Variants in LAMA2 observed in about 807,000 individuals in gnomAD.
The protein encoded by LAMA2 is laminin subunit alpha-2.
In LAMA2, 269 loss-of-function variants were observed where a neutral mutation model predicts 364.8. That is an observed-to-expected ratio of 0.74 (90% CI 0.67 to 0.82). LAMA2 has a LOEUF of 0.82. Among genes scored for constraint, LAMA2 ranks in the 40% least tolerant of loss-of-function variants. LAMA2 has a pLI of 0.00. For missense variants in LAMA2, 3,807 were observed against 3,873.2 expected (o/e 0.98, Z 0.45); for synonymous variants, 1,379 against 1,370.6 (o/e 1.01, Z -0.14).
intron 1 of LAMA2, among the ~76,000 whole-genome samples, chr6:128,927,019 A>G (rs151204799): frequency 1.9e-3 from 295 of 152,336 alleles, no homozygotes; most frequent in African/African-American, 6.9e-3. Flanking sequence ...AGCACAAAAC[A>G]GTGAAGCTGA....
intron 3 of LAMA2, among the ~76,000 whole-genome samples, chr6:129,071,743 C>T (rs1048616452): frequency 4.6e-5 from 7 of 152,122 alleles, no homozygotes; most frequent in Non-Finnish European, 7.4e-5. Context: ...TTATTCCTTT[C>T]CTCACTAATT....
intron 34 of LAMA2, among the ~76,000 whole-genome samples, chr6:129,382,499 C>T (rs978749960): frequency 1.3e-5 from 2 of 152,162 alleles, no homozygotes; most frequent in African/African-American, 4.8e-5. Flanking sequence ...GACACTGCTG[C>T]ATGATTCTGT....
chr6:128,977,021 A>G (rs1333416041), intron 1 of LAMA2, among the ~76,000 whole-genome samples: 1 of 152,206 alleles, frequency 6.6e-6, no homozygotes, highest in African/African-American at 2.4e-5. Flanking sequence ...GTTTATGGAT[A>G]TATTTTATTC....
chr6:129,331,788 T>C (rs904789744), intron 29 of LAMA2, among the ~76,000 whole-genome samples: 1 of 152,158 alleles, frequency 6.6e-6, no homozygotes, highest in African/African-American at 2.4e-5. Context: ...TCCATTCTCC[T>C]TTGAATTACT....
chr6:129,205,509 C>T (rs1426336401), intron 12 of LAMA2, among the ~76,000 whole-genome samples: 34 of 95,652 alleles, frequency 3.6e-4, no homozygotes, highest in African/African-American at 2.8e-3. Context: ...CACACACACA[C>T]ACACACACAC....
chr6:129,514,420 T>C lies in LAMA2; in HGVS notation c.9036T>C (p.Tyr3012=). Residue 3012 remains tyrosine (Y), a synonymous_variant, in exon 64 of 65, where the codon TAT becomes TAC. Coordinates refer to ENST00000421865, the MANE Select transcript of LAMA2 (RefSeq NM_000426.4). The stretch of plus-strand genomic sequence containing the variant: ...GTGCGGGCAGATTCACTGCTGTCTA[T>C]GATGCTGGGGTTCCAGGGCATTTGT... The part of the protein sequence containing the change: ...DNGAGRFTAV[Y]DAGVPGHLCD... The C allele has an allele frequency of 6.2e-7, 1 of 1,614,098 alleles. No homozygotes were observed. The highest frequency in any genetic ancestry group is 1.3e-5 in the African/African-American group (1 of 75,050).
chr6:129,051,959 T>G (rs1476684175), intron 2 of LAMA2, among the ~76,000 whole-genome samples: 2 of 147,794 alleles, frequency 1.4e-5, no homozygotes, highest in Non-Finnish European at 3.0e-5. Flanking sequence ...ATTAGAGAGA[T>G]AAAATATGTA....
Position 129,320,627 on chromosome 6 carries a change from C to G in LAMA2, c.4148C>G (p.Pro1383Arg), listed in dbSNP as rs1233536347. ...PADLIEKCDC[P>R]LGYSGLSCEA... is the part of the protein sequence containing the mutation. Reference sequence around the variant, plus strand: ...GACTTGATTGAAAAATGTGATTGTCCCCTGGGCTATTCTGGCCTGTCCTGT... The same window carrying G: ...GACTTGATTGAAAAATGTGATTGTCGCCTGGGCTATTCTGGCCTGTCCTGT... The change falls in exon 28 of 65, where the codon CCC becomes CGC. Residue 1383 changes from proline to arginine, a missense_variant. This residue lies in a region of LAMA2 where 3,333 missense variants were observed against 3,345.7 expected (regional missense o/e 1.00). Coordinates refer to ENST00000421865, the MANE Select transcript of LAMA2 (RefSeq NM_000426.4). 1 of 1,612,162 alleles carries G rather than the reference C, an allele frequency of 6.2e-7. No homozygotes were observed. Among genetic ancestry groups the G allele is most frequent in the East Asian group, 2.2e-5 (1 of 44,848 alleles).
intron 4 of LAMA2, among the ~76,000 whole-genome samples, chr6:129,119,237 C>T (rs977614599): frequency 6.6e-6 from 1 of 152,086 alleles, no homozygotes; most frequent in African/African-American, 2.4e-5. Context: ...TTTGTTTTTG[C>T]ACTTATGAGG....
At chr6:129,471,688 T>C (rs1408132995) in intron 51 of LAMA2, among the ~76,000 whole-genome samples, 3 of 152,000 alleles carry the variant, frequency 2.0e-5, no homozygotes, top group Admixed American at 2.0e-4. Flanking sequence ...CAAGGAGATA[T>C]ATGTGTATGA....
rs1776485758 is a variant in LAMA2 at position 128,892,012 on chromosome 6, G to A, written c.112+8655G>A. On this transcript the variant is annotated intron_variant, in intron 1 of 64. Transcript: ENST00000421865. ...AGTTAAATTTTCTATTCGTAAGATA[G>A]GTTTAGGTTAGATAATAAATGTGAA... Among the ~76,000 whole-genome samples, 3 of 151,954 alleles carry A rather than the reference G, an allele frequency of 2.0e-5. No individual in the cohort carries two copies. In the South Asian group the frequency reaches 6.2e-4, roughly 31 times the overall value.
rs879379072 is a variant in LAMA2, at chr6:129,093,149, A to AT, written c.397-5012dup. 6.0e-3 allele frequency among the ~76,000 whole-genome samples: 864 copies of AT among 143,592 alleles called. 3 individuals carry two copies. The highest frequency in any genetic ancestry group is 9.1e-3 in the African/African-American group (359 of 39,476). 94.2% of individuals were successfully genotyped at this position (143,592 alleles called of 152,430 possible). On this transcript the variant is annotated intron_variant, in intron 3 of 64. Coordinates refer to ENST00000421865, the MANE Select transcript of LAMA2 (RefSeq NM_000426.4). ...AGGCGCCCACCACCACCCCCGACTA[A>AT]TTTTTTTTTTTTGTATTTTTTAGTA...
chr6:129,153,747 A>G (rs1778946542), intron 7 of LAMA2, among the ~76,000 whole-genome samples: 1 of 152,184 alleles, frequency 6.6e-6, no homozygotes, highest in Non-Finnish European at 1.5e-5. Flanking sequence ...GCATTGAGAA[A>G]ACCTATGTTT....
intron 1 of LAMA2, among the ~76,000 whole-genome samples, chr6:128,985,676 TA>T (rs1783185206): frequency 6.6e-6 from 1 of 152,110 alleles, no homozygotes; most frequent in Non-Finnish European, 1.5e-5. Flanking sequence ...ACCCATCAAC[TA>T]ATTTTTTTTT....
chr6:129,428,840 C>T (rs1781452761), intron 41 of LAMA2, among the ~76,000 whole-genome samples: 1 of 152,090 alleles, frequency 6.6e-6, no homozygotes, highest in Admixed American at 6.5e-5. Context: ...AAGAATATAT[C>T]ATTAAACATG....
intron 3 of LAMA2, among the ~76,000 whole-genome samples, chr6:129,066,042 T>TTG (rs1554210051): frequency 5.9e-5 from 2 of 34,112 alleles, no homozygotes; most frequent in African/African-American, 1.5e-4. Flanking sequence ...TCTCAGGTTT[T>TTG]TTTTTTTTTT....
rs975218128 is a variant in LAMA2, at chr6:129,316,076, T to C, written c.3963T>C (p.His1321=). Residue 1321 remains histidine (H), a synonymous_variant, in exon 27 of 65, where the codon CAT becomes CAC. Coordinates refer to ENST00000421865, the MANE Select transcript of LAMA2 (RefSeq NM_000426.4). ...ATTATGGGGATGATCCTCGAGTCCA[T>C]AGAACTGTGACCCGAGAAGACTTCT... ...WKYYGDDPRV[H]RTVTREDFLD... is the part of the protein sequence containing the mutation. The C allele has an allele frequency of 6.2e-7, 1 of 1,612,984 alleles. No homozygotes were observed. The highest frequency in any genetic ancestry group is 1.1e-5 in the South Asian group (1 of 91,056).
intron 12 of LAMA2, among the ~76,000 whole-genome samples, chr6:129,214,766 T>A (rs1342305290): frequency 1.3e-5 from 2 of 152,176 alleles, no homozygotes; most frequent in Non-Finnish European, 2.9e-5. Flanking sequence ...CTGTTCTTGG[T>A]CTTTCCTCTC....
intron 12 of LAMA2, among the ~76,000 whole-genome samples, chr6:129,225,182 C>T (rs1784160734): frequency 6.6e-6 from 1 of 151,804 alleles, no homozygotes; most frequent in Non-Finnish European, 1.5e-5. Flanking sequence ...TGGTGATATC[C>T]CCTTTATCAT....
Sources: allele counts gnomAD v4.1 joint callset (sites outside exome capture counted in the v4.1 genomes callset), GRCh38; gene constraint gnomAD v4.1.1; regional missense constraint gnomAD v4.1.1; transcripts MANE v1.5; gene names NCBI Gene and HGNC (gene_info 2026-07-23, HGNC 2026-07-21).